The following PYCR3 variants were observed in gnomAD, a reference collection of about 807,000 sequenced individuals.
PYCR3 encodes pyrroline-5-carboxylate reductase 3.
Under a neutral mutation model 23.4 loss-of-function variants are expected in PYCR3, and 26 were observed. The observed-to-expected ratio is 1.11, with a 90% CI of 0.81 to 1.54. The LOEUF (loss-of-function observed/expected upper bound fraction) is 1.54. Among genes scored for constraint, PYCR3 ranks in the 40% most tolerant of loss-of-function variants. The probability of loss-of-function intolerance (pLI) is 0.00; values close to 1 mark genes in which losing one functional copy is unlikely to be tolerated. For missense variants in PYCR3, 360 were observed against 376.3 expected (o/e 0.96, Z 0.36); for synonymous variants, 194 against 162.6 (o/e 1.19, Z -1.47).
rs766201358 is a variant in PYCR3 at position 143,606,535 on chromosome 8, G to T, written c.481C>A (p.Arg161=). The T allele has an allele frequency of 1.9e-6, 3 of 1,612,824 alleles. 1 individual carries two copies. The highest frequency in any genetic ancestry group is 1.7e-5 in the Admixed American group (1 of 60,002). The change falls in exon 4 of 6, where the codon CGG becomes AGG. Residue 161 remains arginine (R), a synonymous_variant. Coordinates refer to ENST00000495276, the MANE Select transcript of PYCR3 (RefSeq NM_023078.6). ...TAGGCTTCAGGCACCTCCTCACACC[G>T]CCCACAGGCCTCCAGCAGATGCTGC... ...LLQHLLEACG[R]CEEVPEAYVD... is the part of the protein sequence containing the mutation.
chr8:143,606,434 G>A (rs751361776), intron 4 of PYCR3, 33 bp downstream of exon 4: 1 of 1,605,230 alleles, frequency 6.2e-7, no homozygotes, highest in East Asian at 2.2e-5. Context: ...CTTTGCCGAG[G>A]GTGGGGCCGG....
intron 1 of PYCR3, chr8:143,608,563 TAAGAA>T (rs1189420191): frequency 6.1e-6 from 2 of 330,334 alleles, no homozygotes; most frequent in Non-Finnish European, 1.2e-5. Context: ...CTGGAATGTC[TAAGAA>T]AAGGCTAAAT....
Position 143,606,532 on chromosome 8 carries a change from A to T in PYCR3, c.484T>A (p.Cys162Ser). The change falls in exon 4 of 6, where the codon TGT becomes AGT. Residue 162 changes from cysteine (C) to serine (S), a missense_variant. Coordinates refer to ENST00000495276, the MANE Select transcript of PYCR3 (RefSeq NM_023078.6). ...ACGTAGGCTTCAGGCACCTCCTCAC[A>T]CCGCCCACAGGCCTCCAGCAGATGC... ...LQHLLEACGRCEEVPEAYVDI... is the reference protein window; with the variant it reads ...LQHLLEACGRSEEVPEAYVDI... 6.2e-7 allele frequency: 1 copy of T among 1,612,776 alleles called. No individual in the cohort carries two copies.
intron 2 of PYCR3, 123 bp from the exon 3 acceptor site, chr8:143,607,255 G>T: frequency 1.1e-6 from 1 of 948,762 alleles, no homozygotes; most frequent in Non-Finnish European, 1.5e-6. Flanking sequence ...CATTGCAAGT[G>T]TCTAGACCAC....
rs1301425164 is a variant in PYCR3, at chr8:143,608,067, AG to A, written c.150del (p.Gln52LysfsTer56). 6.2e-7 allele frequency: 1 copy of A among 1,612,942 alleles called. No homozygotes were observed. Among genetic ancestry groups the A allele is most frequent in the Non-Finnish European group, 8.5e-7 (1 of 1,179,022 alleles). ...ASAPTDRNLC[H>X]FQALGCRTTH... ...AACCTGGGCTCTATGCTCACTTGAA[AG>A]TGACATAGGTTCCTGTCTGTTGGTG... On this transcript the variant is annotated frameshift_variant, in exon 2 of 6. Transcript: ENST00000495276. LOFTEE classifies it high-confidence loss of function.
At chr8:143,609,302 A>G (rs1829480801) in intron 1 of PYCR3, among the ~76,000 whole-genome samples, 156 bp downstream of exon 1, 1 of 152,272 alleles carries the variant, frequency 6.6e-6, no homozygotes, top group Non-Finnish European at 1.5e-5. Flanking sequence ...AGCCACGTCA[A>G]AAAAGTAAGA....
Position 143,607,147 on chromosome 8 carries a change from C to A in PYCR3, c.157-15G>T, listed in dbSNP as rs1365730848. ...CAACCCAGAGCCTGCGCCAGGGACA[C>A]CAGGACCAAGCCTCAGGGGCCATGT... On this transcript the variant is annotated splice_polypyrimidine_tract_variant and intron_variant, in intron 2 of 5. Transcript: ENST00000495276. The A allele has an allele frequency of 1.9e-6, 3 of 1,541,420 alleles. No individual in the cohort carries two copies. Among genetic ancestry groups the A allele is most frequent in the Non-Finnish European group, 1.8e-6 (2 of 1,140,612 alleles).
chr8:143,607,729 GCACA>G (rs760518446), intron 2 of PYCR3, among the ~76,000 whole-genome samples: 1 of 151,708 alleles, frequency 6.6e-6, no homozygotes, highest in African/African-American at 2.4e-5. Flanking sequence ...ACGTGCACAC[GCACA>G]CACAAGCGCA....
In PYCR3 at chr8:143,606,708, G is replaced by A; in HGVS notation, c.337-29C>T. 5.1e-6 allele frequency: 8 copies of A among 1,559,434 alleles called. No homozygotes were observed. The South Asian group carries it at 8.1e-5, about 16-fold the overall frequency. ...GCCAGAGAGAGGTCAGAATCAGGGAGTCTGTAGGACTGGGCCCTGCTGGGC... is the reference window on the plus strand; with the variant it reads ...GCCAGAGAGAGGTCAGAATCAGGGAATCTGTAGGACTGGGCCCTGCTGGGC... On this transcript the variant is annotated intron_variant, in intron 3 of 5. Coordinates refer to ENST00000495276, the MANE Select transcript of PYCR3 (RefSeq NM_023078.6).
chr8:143,606,932 C>G (rs560470442), intron 3 of PYCR3, 21 bp downstream of exon 3: 2 of 1,575,208 alleles, frequency 1.3e-6, no homozygotes, highest in African/African-American at 2.7e-5. Flanking sequence ...GGACCAAGGC[C>G]TTAGCCCAAG....
chr8:143,607,167 C>A, intron 2 of PYCR3, 35 bp from the exon 3 acceptor site: 1 of 1,500,278 alleles, frequency 6.7e-7, no homozygotes, highest in Non-Finnish European at 8.9e-7. Flanking sequence ...GCCTCAGGGG[C>A]CATGTAAGCG....
intron 1 of PYCR3, 97 bp from the exon 2 acceptor site, chr8:143,608,223 C>T (rs1329536310): frequency 1.9e-5 from 18 of 971,376 alleles, no homozygotes; most frequent in African/African-American, 1.3e-4. Flanking sequence ...GGCTCAGCCA[C>T]GCCTGGCCCA....
chr8:143,607,586 A>C (rs887293738), intron 2 of PYCR3, among the ~76,000 whole-genome samples: 1 of 152,114 alleles, frequency 6.6e-6, no homozygotes, highest in Non-Finnish European at 1.5e-5. Context: ...ACACGCACTC[A>C]TATACACATC....
chr8:143,609,320 G>C (rs776572758), intron 1 of PYCR3, 138 bp downstream of exon 1: 3 of 1,006,200 alleles, frequency 3.0e-6, no homozygotes, highest in South Asian at 2.0e-5. Flanking sequence ...AGAGCAAACA[G>C]GCGTGGCCCC....
intron 1 of PYCR3, 148 bp from the exon 2 acceptor site, chr8:143,608,274 G>GCA (rs2131401939): frequency 1.6e-6 from 1 of 623,758 alleles, no homozygotes; most frequent in East Asian, 2.8e-5. Context: ...AAAGCGGGAT[G>GCA]CACCATTCAC....
Position 143,605,555 on chromosome 8 carries a change from G to A in PYCR3, c.*145C>T, listed in dbSNP as rs534377732. 15 of 795,302 alleles carry A rather than the reference G, an allele frequency of 1.9e-5. No homozygotes were observed. The Admixed American group carries it at 4.0e-4, about 21-fold the overall frequency. The allele number at this position is 795,302 out of a possible 1,614,324, so 49.3% of individuals were successfully genotyped here. A position where few individuals can be genotyped will look rare whatever the true frequency, so the allele number is the denominator to read the frequency against. On this transcript the variant is annotated 3_prime_UTR_variant, in exon 6 of 6. Transcript: ENST00000495276. ...TCCCCCGCCTGCTGGAACCTCCCAA[G>A]TCCTGCCCCCTGCATTTCCCTGTGC... is the stretch of plus-strand genomic sequence containing the variant.
At chr8:143,608,908 C>T (rs1315261422) in intron 1 of PYCR3, 1 of 456,784 alleles carries the variant, frequency 2.2e-6, no homozygotes, top group African/African-American at 2.0e-5. Flanking sequence ...TCACCCAGCT[C>T]TCCCTATCCA....
Position 143,605,642 on chromosome 8 carries a change from G to A in PYCR3, c.*58C>T. On this transcript the variant is annotated 3_prime_UTR_variant, in exon 6 of 6. Transcript: ENST00000495276. ...AGGGAGGGAGCCGCAGTCCTCAGGGGAAGGGACACAGGGAGAGGCAGGGGC... is the reference window on the plus strand; with the variant it reads ...AGGGAGGGAGCCGCAGTCCTCAGGGAAAGGGACACAGGGAGAGGCAGGGGC... 6.7e-7 allele frequency: 1 copy of A among 1,489,086 alleles called. No individual in the cohort carries two copies. Among genetic ancestry groups the A allele is most frequent in the South Asian group, 1.2e-5 (1 of 81,076 alleles). The allele number at this position is 1,489,086 out of a possible 1,614,324, so 92.2% of individuals were successfully genotyped here.
rs766602398 is a variant in PYCR3 at position 143,606,155 on chromosome 8, CT to C, written c.550-2del. The C allele has an allele frequency of 2.5e-6, 4 of 1,605,756 alleles. No individual in the cohort carries two copies. The highest frequency in any genetic ancestry group is 2.2e-5 in the East Asian group (1 of 44,548). On this transcript the variant is annotated splice_acceptor_variant, in intron 4 of 5. Coordinates refer to ENST00000495276, the MANE Select transcript of PYCR3 (RefSeq NM_023078.6). LOFTEE classifies it high-confidence loss of function. ...CCAGGGCCTCGGAGAATGCACACAC[CT>C]GTAGCCGCGGCATGGTGGTTGGGGG...
Sources: gnomAD v4.1 joint callset for allele counts (sites outside exome capture counted in the v4.1 genomes callset) on GRCh38, gnomAD v4.1.1 for gene constraint, MANE v1.5 for transcripts, NCBI Gene and HGNC (gene_info 2026-07-23, HGNC 2026-07-21) for gene names.